SLC6A16: variants seen among roughly 807,000 people sequenced by gnomAD.
The protein encoded by SLC6A16 is orphan sodium- and chloride-dependent neurotransmitter transporter NTT5.
SLC6A16 carries 54 observed loss-of-function variants against 65.4 expected under a neutral mutation model. The ratio of observed to expected loss-of-function variants is 0.83; its 90% confidence interval spans 0.66 to 1.04. SLC6A16 has a LOEUF of 1.04. SLC6A16 is among the 50% of genes least tolerant of loss of function. The pLI is 0.00. For synonymous variants in SLC6A16, 330 were observed against 346.5 expected (o/e 0.95, Z 0.53); for missense variants, 816 against 914.0 (o/e 0.89, Z 1.38).
rs1970514406 is a variant in SLC6A16 at position 49,311,192 on chromosome 19, T to C, written c.156A>G (p.Ser52=). 2.5e-6 allele frequency: 4 copies of C among 1,614,010 alleles called. No homozygotes were observed. The highest frequency in any genetic ancestry group is 1.3e-5 in the African/African-American group (1 of 74,936). ...ATSWTSEAQV[S]AARVAEAQAR... ...CCTGAGCCTCTGCAACCCGGGCTGC[T>C]GAAACTTGGGCCTCTGAGGTCCAAG... The change falls in exon 2 of 12, where the codon TCA becomes TCG. Residue 52 remains serine, a synonymous_variant. Transcript: ENST00000335875.
chr19:49,289,859 A>G lies in SLC6A16; in HGVS notation c.*264T>C, dbSNP rs950013860. On this transcript the variant is annotated 3_prime_UTR_variant, in exon 12 of 12. Coordinates refer to ENST00000335875, the MANE Select transcript of SLC6A16 (RefSeq NM_014037.3). ...ACCCCAGAAGTAGCAGGACTGGTAG[A>G]CATCACTAGTATTGTATATGTGTTG... is the stretch of plus-strand genomic sequence containing the variant. 2.3e-6 allele frequency: 1 copy of G among 439,534 alleles called. No homozygotes were observed. The highest frequency in any genetic ancestry group is 4.1e-6 in the Non-Finnish European group (1 of 246,760). 27.2% of individuals were successfully genotyped at this position (439,534 alleles called of 1,614,324 possible). A position where few individuals can be genotyped will look rare whatever the true frequency, so the allele number is the denominator to read the frequency against.
In SLC6A16 at chr19:49,310,377, A is replaced by G. The variant is rs1445829832; in HGVS notation, c.549T>C (p.Gly183=). 2 of 1,613,896 alleles carry G rather than the reference A, an allele frequency of 1.2e-6. No individual in the cohort carries two copies. ...GVWKIIAPWI[G]GVGYSSFMVC... is the part of the protein sequence containing the mutation. ...CCATGAAGCTAGAATACCCCACACCACCAATCCAGGGGGCAATGATCTTCC... is the reference window on the plus strand; with the variant it reads ...CCATGAAGCTAGAATACCCCACACCGCCAATCCAGGGGGCAATGATCTTCC... Residue 183 remains glycine, a synonymous_variant, in exon 3 of 12, where the codon GGT becomes GGC. Coordinates refer to ENST00000335875, the MANE Select transcript of SLC6A16 (RefSeq NM_014037.3).
the SLC6A16 span, chr19:49,337,830 A>G: frequency 1.3e-5 from 21 of 1,586,260 alleles, no homozygotes; most frequent in Non-Finnish European, 1.6e-5. Flanking sequence ...AGACTGGCCC[A>G]GAGATGCACA....
At position 49,296,439 on chromosome 19, in the gene SLC6A16, T is replaced by TA. The variant is rs888251062; in HGVS notation, c.1230-1887dup. ...TAATCAAAGCAGGGAGGTATTGGTG[T>TA]AAAAAAAATAGACATGTTAACTAAT... On this transcript the variant is annotated intron_variant, in intron 7 of 11. Transcript: ENST00000335875. Among the ~76,000 whole-genome samples the TA allele has an allele frequency of 5.9e-5, 9 of 151,946 alleles. No homozygotes were observed. In the East Asian group the frequency reaches 1.4e-3, roughly 23 times the overall value.
chr19:49,311,386 G>C lies in SLC6A16; in HGVS notation c.-39C>G. On this transcript the variant is annotated 5_prime_UTR_variant, in exon 2 of 12. Transcript: ENST00000335875. ...TCTGGGGCAGCTCCCGCTTCTGCAA[G>C]GGAGGGTTCATCTTCCTGAGGAGAC... The C allele has an allele frequency of 6.6e-7, 1 of 1,524,028 alleles. No homozygotes were observed. The allele number at this position is 1,524,028 out of a possible 1,614,324, so 94.4% of individuals were successfully genotyped here.
At chr19:49,307,841 G>A (rs930367141) in intron 7 of SLC6A16, among the ~76,000 whole-genome samples, 3 of 151,628 alleles carry the variant, frequency 2.0e-5, no homozygotes, top group Non-Finnish European at 4.4e-5. Context: ...AGAATTAATG[G>A]CTCTGTCTCC....
At chr19:49,312,697 A>C in intron 1 of SLC6A16, 1 of 382,948 alleles carries the variant, frequency 2.6e-6, no homozygotes, top group Non-Finnish European at 3.6e-6. Context: ...TGCTTTCCAA[A>C]AGCAGAGGCA....
chr19:49,303,611 C>T (rs1369851692), intron 7 of SLC6A16, among the ~76,000 whole-genome samples: 2 of 149,614 alleles, frequency 1.3e-5, no homozygotes, highest in East Asian at 2.0e-4. Flanking sequence ...GCTGAGATCA[C>T]GCCACTGCAC....
At chr19:49,317,719 T>A (rs58013975) in intron 1 of SLC6A16, among the ~76,000 whole-genome samples, 1 of 151,552 alleles carries the variant, frequency 6.6e-6, no homozygotes, top group Non-Finnish European at 1.5e-5. Context: ...GGCAGGAGAA[T>A]GGCGTGAACC....
rs1325610401 is a variant in SLC6A16, at chr19:49,294,569, TGAATCAAATC to T, written c.1230-26_1230-17del. The T allele has an allele frequency of 6.3e-7, 1 of 1,581,178 alleles. No individual in the cohort carries two copies. Among genetic ancestry groups the T allele is most frequent in the Admixed American group, 1.8e-5 (1 of 54,662 alleles). On this transcript the variant is annotated splice_polypyrimidine_tract_variant and intron_variant, in intron 7 of 11. Transcript: ENST00000335875. ...TTCAGCATTCCTGGGGATAGAGGGT[TGAATCAAATC>T]GAACCATTTGGCCCAGTAGGAGATA...
At position 49,289,987 on chromosome 19, in the gene SLC6A16, C is replaced by G; in HGVS notation, c.*136G>C. ...ATTGCAAGTCCAGGCCCCATGAACACCCCCAAAGAATGCCCCTCCTCTTGG... is the reference window on the plus strand; with the variant it reads ...ATTGCAAGTCCAGGCCCCATGAACAGCCCCAAAGAATGCCCCTCCTCTTGG... On this transcript the variant is annotated 3_prime_UTR_variant, in exon 12 of 12. Transcript: ENST00000335875. 1 of 864,426 alleles carries G rather than the reference C, an allele frequency of 1.2e-6. No individual in the cohort carries two copies. The highest frequency in any genetic ancestry group is 1.8e-6 in the Non-Finnish European group (1 of 566,900). 53.5% of individuals were successfully genotyped at this position (864,426 alleles called of 1,614,324 possible). A position where few individuals can be genotyped will look rare whatever the true frequency, so the allele number is the denominator to read the frequency against.
chr19:49,290,688 C>T lies in SLC6A16; in HGVS notation c.1858G>A (p.Val620Ile). The change falls in exon 11 of 12, where the codon GTT becomes ATT. Residue 620 changes from valine (V) to isoleucine (I), a missense_variant. Coordinates refer to ENST00000335875, the MANE Select transcript of SLC6A16 (RefSeq NM_014037.3). ...GTCACAAAGATGATTAGCAGCACAA[C>T]TGGACACAGATGGGGCCACAGCCAA... ...FGWLWPHLCP[V>I]VLLIIFVTMM... is the part of the protein sequence containing the mutation. 1 of 1,613,982 alleles carries T rather than the reference C, an allele frequency of 6.2e-7. No individual in the cohort carries two copies.
chr19:49,334,552 C>T, the SLC6A16 span, among the ~76,000 whole-genome samples: 2 of 141,670 alleles, frequency 1.4e-5, no homozygotes, highest in Non-Finnish European at 1.6e-5. Flanking sequence ...AGAGAGAGGC[C>T]AGGCACAGTG....
the SLC6A16 span, chr19:49,338,588 A>T: frequency 1.3e-6 from 1 of 748,546 alleles, no homozygotes; most frequent in South Asian, 1.6e-5. The surrounding 1 kb of genome is among the most constrained non-coding windows in gnomAD (Gnocchi z 5.0). Context: ...CTCCACACCC[A>T]CCACTTAGTC....
In SLC6A16 at chr19:49,311,280, G is replaced by T; in HGVS notation, c.68C>A (p.Ser23Tyr). 6.2e-7 allele frequency: 1 copy of T among 1,613,056 alleles called. No homozygotes were observed. The highest frequency in any genetic ancestry group is 1.1e-5 in the South Asian group (1 of 90,914). Reference protein sequence around the residue: ...ANTSWTGTVISDSVPGSQTWE... With the variant: ...ANTSWTGTVIYDSVPGSQTWE... ...CGTTTGACTTCCTGGGACACTGTCA[G>T]AAATCACTGTGCCAGTCCATGAGGT... Residue 23 changes from serine to tyrosine, a missense_variant, in exon 2 of 12, where the codon TCT (serine) becomes TAT (tyrosine). Coordinates refer to ENST00000335875, the MANE Select transcript of SLC6A16 (RefSeq NM_014037.3).
the SLC6A16 span, chr19:49,339,343 G>A: frequency 6.2e-7 from 1 of 1,614,008 alleles, no homozygotes; most frequent in Non-Finnish European, 8.5e-7. This position sits in a 1 kb window ranked among gnomAD's most constrained non-coding sequence, Gnocchi z 4.5. Context: ...TGCGCGCAGG[G>A]CCTCCAGAAG....
chr19:49,337,875 G>A, the SLC6A16 span: 2 of 1,606,488 alleles, frequency 1.2e-6, no homozygotes, highest in Non-Finnish European at 8.5e-7. Flanking sequence ...CTGAGAGGGG[G>A]AGGGGTGGGG....
At chr19:49,323,081 G>T (rs1459912624) in intron 1 of SLC6A16, among the ~76,000 whole-genome samples, 1 of 151,900 alleles carries the variant, frequency 6.6e-6, no homozygotes, top group Non-Finnish European at 1.5e-5. Context: ...ATGGAAAAAT[G>T]ATTTTTTACA....
At chr19:49,318,245 C>G (rs1970648497) in intron 1 of SLC6A16, among the ~76,000 whole-genome samples, 1 of 152,054 alleles carries the variant, frequency 6.6e-6, no homozygotes, top group Non-Finnish European at 1.5e-5. Context: ...TGGAGAAGAA[C>G]AAGAATTACT....
Sources: allele counts gnomAD v4.1 joint callset (sites outside exome capture counted in the v4.1 genomes callset), GRCh38; gene constraint gnomAD v4.1.1; non-coding constraint Gnocchi (gnomAD v3.1); transcripts MANE v1.5; gene names NCBI Gene and HGNC (gene_info 2026-07-23, HGNC 2026-07-21).